The following PTPRD variants were observed in gnomAD, a reference collection of about 807,000 sequenced individuals.
PTPRD encodes the protein protein tyrosine phosphatase receptor type D, also known as receptor-type tyrosine-protein phosphatase delta.
In PTPRD, 34 loss-of-function variants were observed where a neutral mutation model predicts 214.5. The observed-to-expected ratio is 0.16, with a 90% CI of 0.12 to 0.21. The LOEUF is 0.21. Among genes scored for constraint, PTPRD ranks in the 10% least tolerant of loss-of-function variants. The probability of loss-of-function intolerance (pLI) is 1.00; values close to 1 mark genes in which losing one functional copy is unlikely to be tolerated. For missense variants in PTPRD, 2,545 were observed against 2,398.7 expected, an observed-to-expected ratio of 1.06 and a Z score of -1.27; for synonymous variants, 1,128 against 845.7, an observed-to-expected ratio of 1.33 and a Z score of -5.79.
chr9:8,956,146 C>G (rs1312672632), intron 11 of PTPRD, among the ~76,000 whole-genome samples: 1 of 151,756 alleles, frequency 6.6e-6, no homozygotes, highest in Non-Finnish European at 1.5e-5. Context: ...GTGCTGACCT[C>G]CCAGTGTGAA....
intron 2 of PTPRD, among the ~76,000 whole-genome samples, chr9:10,462,470 G>C (rs977862867): frequency 6.6e-6 from 1 of 152,158 alleles, no homozygotes; most frequent in Non-Finnish European, 1.5e-5. Context: ...GGTAGAAGCA[G>C]TACCGGATTT....
intron 10 of PTPRD, among the ~76,000 whole-genome samples, chr9:9,076,633 A>T (rs1232547532): frequency 1.3e-5 from 2 of 152,032 alleles, no homozygotes; most frequent in Non-Finnish European, 2.9e-5. Flanking sequence ...ACAGGATCTC[A>T]TTCTTTTTCA....
intron 12 of PTPRD, among the ~76,000 whole-genome samples, chr9:8,710,524 G>C (rs1004307193): frequency 1.3e-5 from 2 of 152,162 alleles, no homozygotes; most frequent in Admixed American, 1.3e-4. Flanking sequence ...GCTGAGGTGG[G>C]AGGATCACCT....
chr9:10,102,818 A>C (rs1361852447), intron 3 of PTPRD, among the ~76,000 whole-genome samples: 1 of 151,702 alleles, frequency 6.6e-6, no homozygotes, highest in East Asian at 1.9e-4. Flanking sequence ...AATATCAGAA[A>C]CATTACACTT....
rs146757557 is a variant in PTPRD, at chr9:10,418,115, G to A, written c.-599-77098C>T. ...TACAAGGCAAAGCGAAATATATGGC[G>A]CTTGCTATTGTTTTAAAAGGCAGTG... On this transcript the variant is annotated intron_variant, in intron 2 of 45. Coordinates refer to ENST00000381196, the MANE Select transcript of PTPRD (RefSeq NM_002839.4). Among the ~76,000 whole-genome samples, 368 of 151,694 alleles carry A rather than the reference G, an allele frequency of 2.4e-3. 1 individual carries two copies. Among genetic ancestry groups the A allele is most frequent in the African/African-American group, 7.8e-3 (324 of 41,442 alleles).
chr9:9,741,104 A>G (rs897841614), intron 6 of PTPRD, among the ~76,000 whole-genome samples: 4 of 152,200 alleles, frequency 2.6e-5, no homozygotes, highest in African/African-American at 9.7e-5. Flanking sequence ...AAACAAACCA[A>G]TATGAGGAAG....
intron 14 of PTPRD, among the ~76,000 whole-genome samples, chr9:8,598,794 C>A (rs759308217): frequency 1.3e-5 from 2 of 152,120 alleles, no homozygotes; most frequent in East Asian, 1.9e-4. Flanking sequence ...TGTCTTCCAA[C>A]GAGTTAAAAT....
chr9:8,401,130 G>C (rs868502103), intron 36 of PTPRD, among the ~76,000 whole-genome samples: 1 of 151,448 alleles, frequency 6.6e-6, no homozygotes, highest in Non-Finnish European at 1.5e-5. Flanking sequence ...CCAAGTATTA[G>C]CTTCCATTTG....
At chr9:10,208,902 C>T (rs1047162993) in intron 3 of PTPRD, among the ~76,000 whole-genome samples, 3 of 152,046 alleles carry the variant, frequency 2.0e-5, no homozygotes, top group Non-Finnish European at 2.9e-5. Flanking sequence ...TTTATCCTAC[C>T]GGACCATTTA....
At chr9:10,301,560 T>C (rs899109160) in intron 3 of PTPRD, among the ~76,000 whole-genome samples, 1 of 152,006 alleles carries the variant, frequency 6.6e-6, no homozygotes, top group African/African-American at 2.4e-5. Flanking sequence ...ATAACCAGTA[T>C]AGAGAAGAAC....
At chr9:10,361,448 AAAT>A (rs1331290528) in intron 2 of PTPRD, among the ~76,000 whole-genome samples, 1 of 152,154 alleles carries the variant, frequency 6.6e-6, no homozygotes, top group Non-Finnish European at 1.5e-5. Context: ...GTAAGTTACA[AAAT>A]GCTGTGCTTT....
chr9:9,392,774 T>C (rs1176038632), intron 9 of PTPRD, among the ~76,000 whole-genome samples: 1 of 152,184 alleles, frequency 6.6e-6, no homozygotes, highest in Non-Finnish European at 1.5e-5. Context: ...GTCTATGATG[T>C]CTCTTCAACA....
chr9:9,922,299 C>A lies in PTPRD; in HGVS notation c.-368+16208G>T, dbSNP rs1307941309. ...CTCCCTTTCTCTCAATCCCTTGAAT[C>A]CGAAGTATACTATTCTGTGAATAAA... On this transcript the variant is annotated intron_variant, in intron 5 of 45. Transcript: ENST00000381196. Among the ~76,000 whole-genome samples, 6 of 152,110 alleles carry A rather than the reference C, an allele frequency of 3.9e-5. No individual in the cohort carries two copies. In the East Asian group the frequency reaches 1.2e-3, roughly 29 times the overall value.
chr9:9,419,096 T>C (rs1041005559), intron 8 of PTPRD, among the ~76,000 whole-genome samples: 1 of 149,926 alleles, frequency 6.7e-6, no homozygotes, highest in African/African-American at 2.4e-5. Flanking sequence ...TGGGTAAGCT[T>C]AGTTTTATGA....
At chr9:8,729,631 C>T (rs936578058) in intron 12 of PTPRD, among the ~76,000 whole-genome samples, 7 of 152,098 alleles carry the variant, frequency 4.6e-5, no homozygotes, top group African/African-American at 1.4e-4. Flanking sequence ...ATATCATGAC[C>T]ATCACCGTCA....
chr9:10,350,572 C>T (rs562541874), intron 2 of PTPRD, among the ~76,000 whole-genome samples: 1 of 152,152 alleles, frequency 6.6e-6, no homozygotes, highest in East Asian at 1.9e-4. Context: ...GTCATTATTT[C>T]TATTTTACAG....
intron 11 of PTPRD, among the ~76,000 whole-genome samples, chr9:8,917,294 ATTT>A (rs5896279): frequency 7.1e-6 from 1 of 140,350 alleles, no homozygotes; most frequent in South Asian, 2.3e-4. Context: ...AGCCCAGCTA[ATTT>A]TTTTTTTTTT....
chr9:10,046,388 C>T (rs951941273), intron 3 of PTPRD, among the ~76,000 whole-genome samples: 1 of 151,782 alleles, frequency 6.6e-6, no homozygotes, highest in Non-Finnish European at 1.5e-5. Flanking sequence ...ATTATAGCCA[C>T]AATATTCAAA....
At chr9:9,869,253 T>A (rs1238644359) in intron 5 of PTPRD, among the ~76,000 whole-genome samples, 2 of 152,292 alleles carry the variant, frequency 1.3e-5, no homozygotes, top group South Asian at 4.1e-4. Flanking sequence ...CAAAGGAAAG[T>A]CTTCTTTATG....
Sources: gnomAD v4.1 joint callset for allele counts (sites outside exome capture counted in the v4.1 genomes callset) on GRCh38, gnomAD v4.1.1 for gene constraint, MANE v1.5 for transcripts, NCBI Gene and HGNC (gene_info 2026-07-23, HGNC 2026-07-21) for gene names.